EXOC6B: variants seen among roughly 807,000 people sequenced by gnomAD.
EXOC6B encodes exocyst complex component 6B.
In EXOC6B, 54 loss-of-function variants were observed where a neutral mutation model predicts 113.5. The observed-to-expected ratio is 0.48, with a 90% CI of 0.38 to 0.60. EXOC6B has a LOEUF of 0.60. Among genes scored for constraint, EXOC6B ranks in the 20% least tolerant of loss-of-function variants. EXOC6B has a pLI of 0.00. For synonymous variants in EXOC6B, 357 were observed against 339.0 expected (o/e 1.05, Z -0.58); for missense variants, 797 against 977.5 (o/e 0.82, Z 2.46).
chr2:72,814,556 T>C (rs1033524086), intron 1 of EXOC6B, among the ~76,000 whole-genome samples: 1 of 152,244 alleles, frequency 6.6e-6, no homozygotes, highest in Non-Finnish European at 1.5e-5. Context: ...GTGATGGTTC[T>C]TGCTCCCTTA....
At position 72,344,364 on chromosome 2, in the gene EXOC6B, T is replaced by C. The variant is rs542881507; in HGVS notation, c.2123-9344A>G. Among the ~76,000 whole-genome samples, 33 of 152,310 alleles carry C rather than the reference T, an allele frequency of 2.2e-4. 1 individual carries two copies. Among genetic ancestry groups the C allele is most frequent in the African/African-American group, 7.0e-4 (29 of 41,596 alleles). On this transcript the variant is annotated intron_variant, in intron 19 of 21. Transcript: ENST00000272427. The stretch of plus-strand genomic sequence containing the variant: ...ATTTCTTCACATCTTTCTTTAGTTC[T>C]TTGAACATCTTTATGAGAGTTGTTT...
chr2:72,239,211 T>C (rs1682154988), intron 20 of EXOC6B, among the ~76,000 whole-genome samples: 1 of 152,216 alleles, frequency 6.6e-6, no homozygotes, highest in African/African-American at 2.4e-5. Context: ...TTTGATTAAG[T>C]CAAAGCTACT....
intron 1 of EXOC6B, 107 bp from the exon 2 acceptor site, chr2:72,741,576 C>T (rs140183934): frequency 5.3e-6 from 5 of 936,972 alleles, no homozygotes; most frequent in East Asian, 2.5e-5. Flanking sequence ...ACAAAATAAT[C>T]CAACTGTATA....
chr2:72,682,080 G>C (rs954388334), intron 6 of EXOC6B, among the ~76,000 whole-genome samples: 2 of 151,002 alleles, frequency 1.3e-5, no homozygotes, highest in African/African-American at 4.9e-5. Flanking sequence ...ACAATGGCTG[G>C]TTAATTCCTA....
At chr2:72,263,256 C>T in intron 20 of EXOC6B, 1 of 152,348 alleles carries the variant, frequency 6.6e-6, no homozygotes, top group Non-Finnish European at 1.5e-5. Context: ...GTCAGCTGTG[C>T]AGTACTTTGA....
At chr2:72,523,025 A>G (rs12992973) in intron 8 of EXOC6B, among the ~76,000 whole-genome samples, 93,266 of 152,124 alleles carry the variant, frequency 0.61, 34,819 homozygotes, top group East Asian at 0.99. Flanking sequence ...AACACAAGTG[A>G]CAACTTTGAA....
intron 20 of EXOC6B, among the ~76,000 whole-genome samples, chr2:72,246,600 G>A (rs1355880669): frequency 2.7e-5 from 4 of 148,666 alleles, no homozygotes; most frequent in Non-Finnish European, 4.4e-5. Flanking sequence ...CTCCGCCTCC[G>A]AGGTTCATGC....
At chr2:72,526,951 T>C (rs540157205) in intron 8 of EXOC6B, among the ~76,000 whole-genome samples, 47 of 152,090 alleles carry the variant, frequency 3.1e-4, no homozygotes, top group African/African-American at 1.1e-3. Context: ...TAGGAAACTA[T>C]ATTGTGCACA....
At chr2:72,300,235 C>G (rs1686422879) in intron 20 of EXOC6B, among the ~76,000 whole-genome samples, 1 of 152,128 alleles carries the variant, frequency 6.6e-6, no homozygotes, top group African/African-American at 2.4e-5. Context: ...GAGGTGGAAT[C>G]TAGAGAGGCA....
chr2:72,334,866 C>T, intron 20 of EXOC6B, 81 bp downstream of exon 20: 1 of 1,360,586 alleles, frequency 7.3e-7, no homozygotes, highest in Non-Finnish European at 1.0e-6. Context: ...ATCCCCCTCC[C>T]TTCCCCTTTT....
chr2:72,744,636 T>C (rs1681575759), intron 1 of EXOC6B, among the ~76,000 whole-genome samples: 1 of 152,176 alleles, frequency 6.6e-6, no homozygotes, highest in Admixed American at 6.5e-5. Context: ...TATTCAATAG[T>C]AGACAATCTC....
At chr2:72,536,414 TTTG>T (rs915410238) in intron 8 of EXOC6B, among the ~76,000 whole-genome samples, 12 of 152,324 alleles carry the variant, frequency 7.9e-5, no homozygotes, top group Non-Finnish European at 1.0e-4. Flanking sequence ...TTGAATATTG[TTTG>T]TTATTTATAA....
intron 19 of EXOC6B, among the ~76,000 whole-genome samples, chr2:72,370,875 G>GA (rs974123043): frequency 8.9e-6 from 1 of 112,964 alleles, no homozygotes; most frequent in Non-Finnish European, 1.9e-5. Context: ...GGTGATGGGA[G>GA]GGGGGAGGGA....
intron 6 of EXOC6B, among the ~76,000 whole-genome samples, chr2:72,619,698 C>A (rs998589040): frequency 6.6e-6 from 1 of 152,156 alleles, no homozygotes; most frequent in African/African-American, 2.4e-5. Context: ...TGAATGATAC[C>A]TGAATACCTC....
At chr2:72,308,185 A>G (rs979327694) in intron 20 of EXOC6B, among the ~76,000 whole-genome samples, 1 of 152,204 alleles carries the variant, frequency 6.6e-6, no homozygotes, top group Non-Finnish European at 1.5e-5. Context: ...TTAGGTCCAA[A>G]TAATCCTAAA....
At chr2:72,545,934 G>C (rs1702873953) in intron 8 of EXOC6B, among the ~76,000 whole-genome samples, 1 of 152,098 alleles carries the variant, frequency 6.6e-6, no homozygotes, top group African/African-American at 2.4e-5. Context: ...ATATCACTTA[G>C]AACTGCTTAT....
At chr2:72,221,816 T>G (rs996825188) in intron 20 of EXOC6B, among the ~76,000 whole-genome samples, 1 of 152,194 alleles carries the variant, frequency 6.6e-6, no homozygotes, top group African/African-American at 2.4e-5. Flanking sequence ...AGCTCAGGGT[T>G]TGGGCCCAGA....
In EXOC6B at chr2:72,179,165, G is replaced by T. The variant is rs1464664603; in HGVS notation, c.*170C>A. On this transcript the variant is annotated 3_prime_UTR_variant, in exon 22 of 22. Coordinates refer to ENST00000272427, the MANE Select transcript of EXOC6B (RefSeq NM_015189.3). ...ACATCTCATGTACTTGCTTATTCTT[G>T]TGCCTCTTTTACTATAGGGAAATGT... The T allele has an allele frequency of 2.8e-6, 2 of 714,786 alleles. No individual in the cohort carries two copies. Among genetic ancestry groups the T allele is most frequent in the South Asian group, 2.3e-5 (1 of 44,180 alleles). 44.3% of individuals were successfully genotyped at this position (714,786 alleles called of 1,614,324 possible).
At chr2:72,459,383 G>T (rs941618637) in intron 18 of EXOC6B, among the ~76,000 whole-genome samples, 9 of 152,214 alleles carry the variant, frequency 5.9e-5, no homozygotes, top group Non-Finnish European at 8.8e-5. Flanking sequence ...GGAAATAAAG[G>T]GTATTCAATT....
Sources: gnomAD v4.1 joint callset for allele counts (sites outside exome capture counted in the v4.1 genomes callset) on GRCh38, gnomAD v4.1.1 for gene constraint, MANE v1.5 for transcripts, NCBI Gene and HGNC (gene_info 2026-07-23, HGNC 2026-07-21) for gene names.